Variants in SPMAP2L observed in about 807,000 individuals in gnomAD.
SPMAP2L encodes the protein sperm microtubule associated protein 2-like.
chr4:56,553,824 C>A, the SPMAP2L span, among the ~76,000 whole-genome samples: 1 of 152,118 alleles, frequency 6.6e-6, no homozygotes, highest in Non-Finnish European at 1.5e-5. Flanking sequence ...TGTGTTCCAA[C>A]TATTCATTTC....
the SPMAP2L span, among the ~76,000 whole-genome samples, chr4:56,568,195 T>C: frequency 2.6e-5 from 4 of 152,228 alleles, no homozygotes; most frequent in Non-Finnish European, 4.4e-5. Flanking sequence ...CTTTGCCTTC[T>C]TGAAAATACG....
At chr4:56,603,567 AT>A in the SPMAP2L span, 1 of 345,390 alleles carries the variant, frequency 2.9e-6, no homozygotes, top group Non-Finnish European at 5.3e-6. Flanking sequence ...AGACTGCCTC[AT>A]TATCCTTACT....
the SPMAP2L span, among the ~76,000 whole-genome samples, chr4:56,583,652 G>A: frequency 1.3e-5 from 2 of 152,138 alleles, no homozygotes; most frequent in Non-Finnish European, 2.9e-5. Flanking sequence ...CCAAGTGGCT[G>A]GCAGTTATGA....
At chr4:56,597,851 G>GT in the SPMAP2L span, among the ~76,000 whole-genome samples, 6 of 151,562 alleles carry the variant, frequency 4.0e-5, no homozygotes, top group East Asian at 5.8e-4. Context: ...TCTTTTGTTT[G>GT]TTTTTTTTGT....
the SPMAP2L span, chr4:56,592,963 A>G: frequency 9.3e-6 from 15 of 1,605,242 alleles, no homozygotes; most frequent in African/African-American, 1.3e-5. Flanking sequence ...TCCATTTGAA[A>G]AGACCCTTGA....
At chr4:56,568,337 G>A in the SPMAP2L span, among the ~76,000 whole-genome samples, 1 of 152,128 alleles carries the variant, frequency 6.6e-6, no homozygotes, top group South Asian at 2.1e-4. Flanking sequence ...ATACCTGGTA[G>A]TTTTTTATTG....
At chr4:56,542,974 G>A in the SPMAP2L span, among the ~76,000 whole-genome samples, 3 of 151,698 alleles carry the variant, frequency 2.0e-5, no homozygotes, top group Non-Finnish European at 2.9e-5. Context: ...ATTATCACGA[G>A]CCATCAGAAC....
chr4:56,618,014 AGCC>A, the SPMAP2L span, among the ~76,000 whole-genome samples: 2 of 152,044 alleles, frequency 1.3e-5, no homozygotes, highest in Non-Finnish European at 2.9e-5. Flanking sequence ...CACAACATCC[AGCC>A]GCTTGTGTCT....
chr4:56,531,183 T>C, the SPMAP2L span: 1 of 1,514,888 alleles, frequency 6.6e-7, no homozygotes, highest in Admixed American at 2.0e-5. Flanking sequence ...GGTGTTCCCC[T>C]TCCCTCGTCC....
chr4:56,569,475 G>A, the SPMAP2L span, among the ~76,000 whole-genome samples: 1 of 148,570 alleles, frequency 6.7e-6, no homozygotes, highest in African/African-American at 2.5e-5. Context: ...CAAATCCTTT[G>A]TCCATTTTTG....
At chr4:56,548,146 T>G in the SPMAP2L span, among the ~76,000 whole-genome samples, 3 of 152,224 alleles carry the variant, frequency 2.0e-5, no homozygotes, top group Non-Finnish European at 4.4e-5. Flanking sequence ...CTTTATACTT[T>G]GCAAAAAAAT....
the SPMAP2L span, among the ~76,000 whole-genome samples, chr4:56,592,654 G>C: frequency 2.1e-4 from 32 of 152,202 alleles, no homozygotes; most frequent in African/African-American, 7.5e-4. Context: ...CGGTGGCCGC[G>C]GCCATGCAGT....
the SPMAP2L span, among the ~76,000 whole-genome samples, chr4:56,591,551 T>TA: frequency 5.9e-5 from 9 of 152,182 alleles, no homozygotes; most frequent in African/African-American, 2.2e-4. Context: ...ACAAGACTAA[T>TA]ACACAAAACA....
chr4:56,539,714 GC>G, the SPMAP2L span, among the ~76,000 whole-genome samples: 1 of 152,164 alleles, frequency 6.6e-6, no homozygotes. Flanking sequence ...GAGCCACCGT[GC>G]CTGCCTTAAT....
chr4:56,616,554 G>A, the SPMAP2L span, among the ~76,000 whole-genome samples: 1 of 152,036 alleles, frequency 6.6e-6, no homozygotes, highest in South Asian at 2.1e-4. Context: ...ATCTTGTATG[G>A]CTTCTTTTAT....
the SPMAP2L span, among the ~76,000 whole-genome samples, chr4:56,608,156 TATG>T: frequency 1.3e-5 from 2 of 152,202 alleles, no homozygotes; most frequent in African/African-American, 4.8e-5. Flanking sequence ...ATTGTATTCA[TATG>T]ATATTTGCAG....
chr4:56,549,121 T>C, the SPMAP2L span, among the ~76,000 whole-genome samples: 712 of 152,070 alleles, frequency 4.7e-3, 4 homozygotes, highest in Non-Finnish European at 8.2e-3. Context: ...CCTGAGTAGC[T>C]GGGATTACGG....
chr4:56,595,561 TG>T, the SPMAP2L span: 4 of 1,413,796 alleles, frequency 2.8e-6, no homozygotes, highest in Non-Finnish European at 4.0e-6. Flanking sequence ...TCCAGAGAGG[TG>T]GCAGCATTCC....
chr4:56,546,686 G>A, the SPMAP2L span, among the ~76,000 whole-genome samples: 4 of 152,282 alleles, frequency 2.6e-5, no homozygotes, highest in Admixed American at 1.3e-4. Flanking sequence ...AAGAGCAATA[G>A]CAAAGAGTTA....
Sources: gnomAD v4.1 joint callset for allele counts (sites outside exome capture counted in the v4.1 genomes callset) on GRCh38, gnomAD v4.1.1 for gene constraint, MANE v1.5 for transcripts, NCBI Gene and HGNC (gene_info 2026-07-23, HGNC 2026-07-21) for gene names.